The following PEX5L variants were observed in gnomAD, a reference collection of about 807,000 sequenced individuals.
The protein encoded by PEX5L is peroxisomal biogenesis factor 5 like, also known as PEX5-related protein.
PEX5L carries 30 observed loss-of-function variants against 84.0 expected under a neutral mutation model. The observed-to-expected ratio is 0.36, with a 90% CI of 0.27 to 0.48. The LOEUF is 0.48. Among genes scored for constraint, PEX5L ranks in the 20% least tolerant of loss-of-function variants. The pLI, the probability that PEX5L is intolerant of heterozygous loss-of-function variation, is 0.99. For synonymous variants in PEX5L, 270 were observed against 283.1 expected (o/e 0.95, Z 0.46); for missense variants, 533 against 754.6 (o/e 0.71, Z 3.44).
At chr3:180,023,007 A>G (rs1275682122) in intron 1 of PEX5L, among the ~76,000 whole-genome samples, 1 of 152,228 alleles carries the variant, frequency 6.6e-6, no homozygotes, top group Non-Finnish European at 1.5e-5. Context: ...TGTCCAGAAA[A>G]CTTGCAAAAT....
intron 2 of PEX5L, among the ~76,000 whole-genome samples, chr3:179,938,028 T>C (rs1312981602): frequency 2.0e-5 from 3 of 151,900 alleles, no homozygotes; most frequent in Non-Finnish European, 2.9e-5. Flanking sequence ...CCGTCACCAC[T>C]ACCTTCACCA....
At chr3:179,888,490 T>G (rs373833947) in intron 3 of PEX5L, among the ~76,000 whole-genome samples, 2 of 152,180 alleles carry the variant, frequency 1.3e-5, no homozygotes, top group South Asian at 4.1e-4. Flanking sequence ...ATCTTTCAGT[T>G]TGATTTTTTA....
chr3:179,954,128 T>C (rs767753223), intron 2 of PEX5L, among the ~76,000 whole-genome samples: 7 of 151,640 alleles, frequency 4.6e-5, no homozygotes, highest in Admixed American at 2.0e-4. Flanking sequence ...GATTTCTTTT[T>C]TTTTCTTTTG....
intron 2 of PEX5L, among the ~76,000 whole-genome samples, chr3:179,923,065 G>A (rs866230523): frequency 3.3e-5 from 5 of 151,804 alleles, no homozygotes; most frequent in South Asian, 4.2e-4. Context: ...CGAGGCGGGC[G>A]GATCACGAAG....
chr3:179,900,778 A>T, intron 2 of PEX5L: 1 of 1,399,528 alleles, frequency 7.1e-7, no homozygotes, highest in Non-Finnish European at 9.7e-7. Context: ...CCTGCTAGCA[A>T]CTTTTTTCTT....
chr3:179,856,219 TTAGTACCTCACACA>T (rs1394618421), intron 8 of PEX5L, among the ~76,000 whole-genome samples: 1 of 152,250 alleles, frequency 6.6e-6, no homozygotes. Context: ...TTTTCCTGAT[TTAGTACCTCACACA>T]TAGTACATTC....
chr3:179,893,598 T>G (rs189510770), intron 3 of PEX5L, among the ~76,000 whole-genome samples: 77 of 152,312 alleles, frequency 5.1e-4, no homozygotes, highest in African/African-American at 1.8e-3. Context: ...ACATTGTAGA[T>G]GATAAAACAA....
intron 8 of PEX5L, among the ~76,000 whole-genome samples, chr3:179,842,346 C>A (rs565828633): frequency 6.6e-6 from 1 of 152,208 alleles, no homozygotes; most frequent in African/African-American, 2.4e-5. Context: ...CAGAAGGGTT[C>A]ACATCGAATG....
chr3:179,891,604 G>T lies in PEX5L; in HGVS notation c.199-3820C>A, dbSNP rs147470818. ...AAATAGAATGTCTATGTCTAAAAGG[G>T]GTTCAATAAATGGCTATTAAATGAG... On this transcript the variant is annotated intron_variant, in intron 3 of 14. Coordinates refer to ENST00000467460, the MANE Select transcript of PEX5L (RefSeq NM_016559.3). 3.3e-3 allele frequency among the ~76,000 whole-genome samples: 500 copies of T among 152,084 alleles called. 2 individuals are homozygous for T. The highest frequency in any genetic ancestry group is 0.011 in the African/African-American group (476 of 41,494).
chr3:179,824,706 C>CAAAAAAAAAA (rs11296415), intron 8 of PEX5L, among the ~76,000 whole-genome samples: 1 of 70,512 alleles, frequency 1.4e-5, no homozygotes, highest in Non-Finnish European at 2.6e-5. Flanking sequence ...AACTCCATCT[C>CAAAAAAAAAA]AAAAAAAAAA....
At chr3:179,830,631 C>T (rs963348525) in intron 8 of PEX5L, among the ~76,000 whole-genome samples, 3 of 152,156 alleles carry the variant, frequency 2.0e-5, no homozygotes, top group Non-Finnish European at 2.9e-5. Context: ...AAAATCATCC[C>T]ATATTTTCCT....
intron 2 of PEX5L, among the ~76,000 whole-genome samples, chr3:179,904,379 G>T (rs902150540): frequency 2.0e-5 from 3 of 152,180 alleles, no homozygotes; most frequent in Admixed American, 2.0e-4. Flanking sequence ...TACCCAGACT[G>T]GGAATGTGAT....
At chr3:179,858,731 C>G (rs1744938815) in intron 8 of PEX5L, among the ~76,000 whole-genome samples, 1 of 152,184 alleles carries the variant, frequency 6.6e-6, no homozygotes, top group East Asian at 1.9e-4. Flanking sequence ...AGACACCTAG[C>G]AAATCCATAG....
Position 179,960,564 on chromosome 3 carries a change from G to A in PEX5L, c.93+11030C>T, listed in dbSNP as rs549627005. ...TGCTACTGTTGTTCATAAAAGTCCT[G>A]ATCCAAGGGTATGATTTTAACTCAA... is the stretch of plus-strand genomic sequence containing the variant. On this transcript the variant is annotated intron_variant, in intron 2 of 14. Coordinates refer to ENST00000467460, the MANE Select transcript of PEX5L (RefSeq NM_016559.3). Among the ~76,000 whole-genome samples, 11 of 152,298 alleles carry A rather than the reference G, an allele frequency of 7.2e-5. 2 individuals are homozygous for A. In the East Asian group the frequency reaches 1.5e-3, roughly 21 times the overall value.
chr3:179,877,448 T>C (rs1752787570), intron 5 of PEX5L, among the ~76,000 whole-genome samples: 2 of 152,308 alleles, frequency 1.3e-5, no homozygotes, highest in East Asian at 1.9e-4. Flanking sequence ...TTGTGTTATA[T>C]TGTAATATAT....
intron 10 of PEX5L, among the ~76,000 whole-genome samples, chr3:179,813,797 C>G (rs1724911836): frequency 6.6e-6 from 1 of 152,016 alleles, no homozygotes; most frequent in Non-Finnish European, 1.5e-5. Flanking sequence ...CTGCCTCAGC[C>G]TCCCGAGTAG....
At chr3:179,900,837 T>C in intron 2 of PEX5L, 2 of 728,838 alleles carry the variant, frequency 2.7e-6, no homozygotes, top group Non-Finnish European at 2.4e-6. Flanking sequence ...CGTCACTGTT[T>C]TACAAGTGCG....
In PEX5L at chr3:179,847,079, G is replaced by GTATA. The variant is rs199601016; in HGVS notation, c.822+11982_822+11983insTATA. 8.3e-3 allele frequency among the ~76,000 whole-genome samples: 883 copies of GTATA among 106,450 alleles called. 15 individuals are homozygous for GTATA. Among genetic ancestry groups the GTATA allele is most frequent in the East Asian group, 0.077 (343 of 4,468 alleles). The allele number at this position is 106,450 out of a possible 152,430, so 69.8% of individuals were successfully genotyped here. A position where few individuals can be genotyped will look rare whatever the true frequency, so the allele number is the denominator to read the frequency against. Reference sequence around the variant, plus strand: ...TCTCCATGTGTGTGTGTGTGTGTGTGTGTATATATATATATATATATGTAT... The same window carrying GTATA: ...TCTCCATGTGTGTGTGTGTGTGTGTGTATATGTATATATATATATATATATGTAT... On this transcript the variant is annotated intron_variant, in intron 8 of 14. Transcript: ENST00000467460.
intron 14 of PEX5L, among the ~76,000 whole-genome samples, chr3:179,802,710 A>T (rs1719525814): frequency 6.6e-6 from 1 of 152,154 alleles, no homozygotes; most frequent in Admixed American, 6.5e-5. Flanking sequence ...TTCTATAACT[A>T]GGTTTAAGAG....
Sources: allele counts gnomAD v4.1 joint callset (sites outside exome capture counted in the v4.1 genomes callset), GRCh38; gene constraint gnomAD v4.1.1; transcripts MANE v1.5; gene names NCBI Gene and HGNC (gene_info 2026-07-23, HGNC 2026-07-21).